Variants in UBA1 observed in about 807,000 individuals in gnomAD.
UBA1 encodes ubiquitin like modifier activating enzyme 1.
In UBA1, 4 loss-of-function variants were observed where a neutral mutation model predicts 84.7. That is an observed-to-expected ratio of 0.05 (90% CI 0.02 to 0.11). The LOEUF (loss-of-function observed/expected upper bound fraction) is 0.11, where lower values mean the gene tolerates loss of function less well. Ranked by LOEUF, UBA1 falls within the 10% of genes least tolerant of loss-of-function variation. The pLI is 1.00. For synonymous variants in UBA1, 364 were observed against 362.6 expected (o/e 1.00, Z -0.04); for missense variants, 513 against 902.8 (o/e 0.57, Z 5.53).
chrX:47,202,997 G>A lies in UBA1; in HGVS notation c.1288G>A (p.Glu430Lys). The A allele has an allele frequency of 3.3e-6, 4 of 1,212,069 alleles. No homozygotes were observed. The highest frequency in any genetic ancestry group is 4.5e-6 in the Non-Finnish European group (4 of 895,558). The change falls in exon 12 of 26, where the codon GAG becomes AAG. Residue 430 changes from glutamate to lysine, a missense_variant. By Grantham distance (56) the Glu-to-Lys change is moderately conservative. Coordinates refer to ENST00000335972, the MANE Select transcript of UBA1 (RefSeq NM_003334.4). ...IMQWLYFDAL[E>K]CLPEDKEVLT... is the part of the protein sequence containing the mutation. Reference sequence around the variant, plus strand: ...GCAGTGGCTATACTTTGATGCCCTTGAGTGTCTCCCTGAGGACAAAGAGGT... The same window carrying A: ...GCAGTGGCTATACTTTGATGCCCTTAAGTGTCTCCCTGAGGACAAAGAGGT...
chrX:47,214,312 C>T lies in UBA1; in HGVS notation c.2839-15C>T, dbSNP rs782689382. 6.6e-6 allele frequency: 8 copies of T among 1,203,795 alleles called. No individual in the cohort carries two copies. The South Asian group carries it at 1.1e-4, about 16-fold the overall frequency. ...GGGATGGTCTCCATCTTACACTCCC[C>T]TCTTTGTCTTGCAGTACTATAACCA... On this transcript the variant is annotated splice_polypyrimidine_tract_variant and intron_variant, in intron 23 of 25. Transcript: ENST00000335972.
intron 16 of UBA1, 149 bp from the exon 17 acceptor site, chrX:47,209,474 G>C: frequency 1.8e-6 from 1 of 555,440 alleles, no homozygotes; most frequent in East Asian, 3.6e-5. Context: ...ATTGAGGTGG[G>C]GGAATGGGGA....
rs1556788612 is a variant in UBA1 at position 47,202,465 on chromosome X, C to T, written c.1017C>T (p.Phe339=). The change falls in exon 10 of 26, where the codon TTC becomes TTT. Residue 339 remains phenylalanine (F), a synonymous_variant. Coordinates refer to ENST00000335972, the MANE Select transcript of UBA1 (RefSeq NM_003334.4). The part of the protein sequence containing the change: ...LHIGFQALHQ[F]CAQHGRPPRP... ...TTGGCTTCCAGGCCCTGCACCAGTTCTGTGCTCAGCATGGCCGGCCACCTC... is the reference window on the plus strand; with the variant it reads ...TTGGCTTCCAGGCCCTGCACCAGTTTTGTGCTCAGCATGGCCGGCCACCTC... 8.3e-7 allele frequency: 1 copy of T among 1,206,704 alleles called. No homozygotes were observed.
chrX:47,209,917 A>G lies in UBA1; in HGVS notation c.2004-11A>G. ...GTAATCCTATCCTCTGTCCTCTTCG[A>G]TTCCTGATAGAGACCCCAAGTTTGT... On this transcript the variant is annotated splice_polypyrimidine_tract_variant and intron_variant, in intron 17 of 25. Coordinates refer to ENST00000335972, the MANE Select transcript of UBA1 (RefSeq NM_003334.4). 1 of 1,211,316 alleles carries G rather than the reference A, an allele frequency of 8.3e-7. No individual in the cohort carries two copies. The highest frequency in any genetic ancestry group is 1.1e-6 in the Non-Finnish European group (1 of 894,931).
intron 1 of UBA1, chrX:47,198,495 CAAGT>C (rs1362886160): frequency 2.8e-6 from 1 of 362,280 alleles, no homozygotes; most frequent in Non-Finnish European, 4.9e-6. Context: ...GACCTCGACA[CAAGT>C]ACATTCTTGT....
chrX:47,204,139 G>GTTTTTTTTTTTTTTTTT (rs55829376), intron 14 of UBA1, among the ~76,000 whole-genome samples: 1 of 16,861 alleles, frequency 5.9e-5, no homozygotes, highest in Non-Finnish European at 9.7e-5. Flanking sequence ...CTCAGCTTCT[G>GTTTTTTTTTTTTTTTTT]TTTTTTTTTT....
intron 16 of UBA1, chrX:47,209,171 T>C (rs1266168601): frequency 3.3e-6 from 1 of 305,255 alleles, no homozygotes; most frequent in African/African-American, 2.6e-5. Context: ...ATTTTTCTTT[T>C]TTTGAGACAG....
Position 47,212,499 on chromosome X carries a change from T to C in UBA1, c.2540T>C (p.Ile847Thr), listed in dbSNP as rs1556793806. 5.8e-6 allele frequency: 7 copies of C among 1,208,440 alleles called. No homozygotes were observed. Among genetic ancestry groups the C allele is most frequent in the African/African-American group, 5.2e-5 (3 of 57,566 alleles). ...DKLPGFKMYP[I>T]DFEKDDDSNF... ...CTCCCTGGATTCAAGATGTACCCCA[T>C]TGACTTTGAGAAGGTATGGGGTGGG... The change falls in exon 21 of 26, where the codon ATT (isoleucine) becomes ACT (threonine). Residue 847 changes from isoleucine to threonine, a missense_variant. Around this residue, in one of 6 missense-constraint regions of UBA1, gnomAD observed 151 missense variants for 260.1 expected, o/e 0.58. Transcript: ENST00000335972.
chrX:47,194,210 C>G (rs183437335), intron 1 of UBA1, among the ~76,000 whole-genome samples, 186 bp downstream of exon 1: 1 of 111,615 alleles, frequency 9.0e-6, no homozygotes, highest in Non-Finnish European at 1.9e-5. Flanking sequence ...CACTCCGGCT[C>G]CCTCTGGTTG....
At position 47,215,115 on chromosome X, in the gene UBA1, A is replaced by G. The variant is rs1937089400; in HGVS notation, c.*186A>G. On this transcript the variant is annotated 3_prime_UTR_variant, in exon 26 of 26. Transcript: ENST00000335972. ...TTTGAAACCTGAATCCTAATAAAGA[A>G]TTAATAACTCCCACATCGCCTGCCC... 3.5e-6 allele frequency: 2 copies of G among 572,345 alleles called. No homozygotes were observed. The highest frequency in any genetic ancestry group is 2.8e-5 in the South Asian group (1 of 36,162). The allele number at this position is 572,345 out of a possible 1,213,427, so 47.2% of individuals were successfully genotyped here.
rs1556791146 is a variant in UBA1, at chrX:47,206,397, A to G, written c.1891A>G (p.Ile631Val). Residue 631 changes from isoleucine to valine, a missense_variant, in exon 16 of 26, where the codon ATC becomes GTC. Around this residue, in one of 6 missense-constraint regions of UBA1, gnomAD observed 40 missense variants for 138.3 expected, o/e 0.29. Transcript: ENST00000335972. The part of the protein sequence containing the change: ...SQDPPEKSIP[I>V]CTLKNFPNAI... ...GGACCCACCTGAGAAGTCCATCCCCATCTGTACCCTGAAGAACTTCCCTAA... is the reference window on the plus strand; with the variant it reads ...GGACCCACCTGAGAAGTCCATCCCCGTCTGTACCCTGAAGAACTTCCCTAA... 1.7e-6 allele frequency: 2 copies of G among 1,212,003 alleles called. No homozygotes were observed. Among genetic ancestry groups the G allele is most frequent in the East Asian group, 3.0e-5 (1 of 33,848 alleles).
At chrX:47,203,858 C>T (rs1936527732) in intron 14 of UBA1, among the ~76,000 whole-genome samples, 162 bp downstream of exon 14, 1 of 106,697 alleles carries the variant, frequency 9.4e-6, no homozygotes, top group Non-Finnish European at 1.9e-5. Context: ...AAGCGATTCT[C>T]CTGCCTCAGC....
chrX:47,203,779 C>T, intron 14 of UBA1, 83 bp downstream of exon 14: 1 of 1,013,040 alleles, frequency 9.9e-7, no homozygotes, highest in Non-Finnish European at 1.3e-6. Flanking sequence ...CGGAGTTTCG[C>T]TCTTGTTGCC....
chrX:47,194,121 G>A, intron 1 of UBA1, 97 bp downstream of exon 1: 1 of 112,240 alleles, frequency 8.9e-6, no homozygotes, highest in Non-Finnish European at 1.9e-5. Context: ...GCGGGCCGCG[G>A]TGACTCGGGA....
chrX:47,195,795 A>T (rs1233918363), intron 1 of UBA1, among the ~76,000 whole-genome samples: 1 of 110,923 alleles, frequency 9.0e-6, no homozygotes, highest in Non-Finnish European at 1.9e-5. Flanking sequence ...TTTGTGTTCC[A>T]TTAGAAACCT....
At chrX:47,202,859 C>T in intron 11 of UBA1, 45 bp downstream of exon 11, 1 of 1,199,897 alleles carries the variant, frequency 8.3e-7, no homozygotes, top group East Asian at 3.0e-5. Context: ...GGCCAGGTTC[C>T]TCCATGACTC....
At chrX:47,214,007 CTG>C (rs1446697608) in intron 23 of UBA1, among the ~76,000 whole-genome samples, 4 of 111,471 alleles carry the variant, frequency 3.6e-5, no homozygotes, top group Admixed American at 9.5e-5. Context: ...AGGGGACAAA[CTG>C]TGCAGGCTTG....
At chrX:47,191,871 G>A (rs1936069826), upstream of UBA1, 1 of 111,859 alleles carries the variant, frequency 8.9e-6, no homozygotes, top group Non-Finnish European at 1.9e-5. Context: ...AAAACCTGGC[G>A]TCTAGCAAAG....
At chrX:47,201,673 G>C (rs782618491) in intron 8 of UBA1, 63 bp downstream of exon 8, 1 of 1,144,997 alleles carries the variant, frequency 8.7e-7, no homozygotes, top group South Asian at 1.9e-5. Flanking sequence ...GTTCTGGCCG[G>C]GGAGTTGAAG....
Sources: gnomAD v4.1 joint callset for allele counts (sites outside exome capture counted in the v4.1 genomes callset) on GRCh38, gnomAD v4.1.1 for gene constraint, gnomAD v4.1.1 regional missense constraint, MANE v1.5 for transcripts, NCBI Gene and HGNC (gene_info 2026-07-23, HGNC 2026-07-21) for gene names.